HTR4: variants seen among roughly 807,000 people sequenced by gnomAD.
HTR4 encodes 5-hydroxytryptamine receptor 4, also known as 5-hydroxytryptamine (serotonin) receptor 4, G protein-coupled.
In HTR4, 16 loss-of-function variants were observed where a neutral mutation model predicts 36.8. The ratio of observed to expected loss-of-function variants is 0.43; its 90% CI spans 0.29 to 0.66. HTR4 has a LOEUF of 0.66. Ranked by LOEUF, HTR4 falls within the 30% of genes least tolerant of loss-of-function variation. The probability of loss-of-function intolerance (pLI) is 0.13; values close to 1 mark genes in which losing one functional copy is unlikely to be tolerated. For synonymous variants in HTR4, 189 were observed against 185.1 expected (o/e 1.02, Z -0.17); for missense variants, 438 against 490.9 (o/e 0.89, Z 1.02).
chr5:148,609,090 T>G (rs1390467905), intron 2 of HTR4, among the ~76,000 whole-genome samples: 2 of 152,204 alleles, frequency 1.3e-5, no homozygotes, highest in East Asian at 1.9e-4. Context: ...ATTACTTAAT[T>G]AATGATTTAT....
intron 2 of HTR4, among the ~76,000 whole-genome samples, chr5:148,584,358 G>C (rs1761265383): frequency 6.6e-6 from 1 of 152,050 alleles, no homozygotes; most frequent in South Asian, 2.1e-4. Context: ...CAGTCACCCA[G>C]TGCCACACAC....
downstream of HTR4, chr5:148,476,577 G>A (rs1755703262): frequency 6.9e-7 from 1 of 1,439,298 alleles, no homozygotes; most frequent in African/African-American, 1.4e-5. Context: ...AAGGGGCAAA[G>A]TGGGCTGGTA....
At chr5:148,549,491 T>G (rs981266029) in intron 3 of HTR4, among the ~76,000 whole-genome samples, 1 of 152,174 alleles carries the variant, frequency 6.6e-6, no homozygotes. Context: ...GGCTGTACAC[T>G]AGAATCACCT....
chr5:148,468,275 C>A (rs1755481994), intron 5 of HTR4, among the ~76,000 whole-genome samples: 2 of 152,282 alleles, frequency 1.3e-5, no homozygotes, highest in African/African-American at 4.8e-5. Context: ...ACATGGGATC[C>A]CAGAACATTG....
intron 6 of HTR4, among the ~76,000 whole-genome samples, chr5:148,505,734 C>T (rs1291159107): frequency 3.3e-5 from 5 of 152,122 alleles, no homozygotes; most frequent in Non-Finnish European, 5.9e-5. Context: ...CAATAACAGA[C>T]AAACAGAGGG....
intron 4 of HTR4, among the ~76,000 whole-genome samples, chr5:148,530,225 G>A (rs1406683673): frequency 6.6e-6 from 1 of 152,206 alleles, no homozygotes; most frequent in African/African-American, 2.4e-5. Flanking sequence ...GAAGCTGAAT[G>A]TTAATCCCCA....
chr5:148,490,784 G>A (rs988285312), intron 6 of HTR4: 1 of 1,018,334 alleles, frequency 9.8e-7, no homozygotes, highest in African/African-American at 1.7e-5. Context: ...TCAATCCTTT[G>A]TTTCTTACCT....
chr5:148,524,040 C>G (rs932306967), intron 4 of HTR4, among the ~76,000 whole-genome samples: 1 of 152,016 alleles, frequency 6.6e-6, no homozygotes, highest in African/African-American at 2.4e-5. Flanking sequence ...TCCATCCCCC[C>G]ATCCCTGCCA....
intron 4 of HTR4, among the ~76,000 whole-genome samples, chr5:148,542,677 A>G (rs1258616563): frequency 6.6e-6 from 1 of 152,210 alleles, no homozygotes; most frequent in East Asian, 1.9e-4. Context: ...ATGCTAAGTA[A>G]AGGACAAAGT....
chr5:148,506,360 T>G lies in HTR4; in HGVS notation c.1076+3096A>C, dbSNP rs146526804. Among the ~76,000 whole-genome samples, 271 of 152,212 alleles carry G rather than the reference T, an allele frequency of 1.8e-3. 9 individuals carry two copies. The East Asian group carries it at 0.036, about 20-fold the overall frequency. On this transcript the variant is annotated intron_variant, in intron 6 of 6. Coordinates refer to ENST00000377888, the MANE Select transcript of HTR4 (RefSeq NM_000870.7). ...AACTGGATCCCTTTCTTACACCTTA[T>G]AAAAAATTAATTCAAGATGGATTAA...
chr5:148,495,924 A>G (rs1051968097), intron 6 of HTR4, among the ~76,000 whole-genome samples: 6 of 152,116 alleles, frequency 3.9e-5, no homozygotes, highest in Non-Finnish European at 8.8e-5. Context: ...AACATGGGGA[A>G]ACCCTGTCTC....
chr5:148,654,157 G>T lies in HTR4; in HGVS notation c.-143C>A, dbSNP rs1309745478. 2.0e-6 allele frequency: 2 copies of T among 985,556 alleles called. No individual in the cohort carries two copies. The highest frequency in any genetic ancestry group is 2.4e-6 in the Non-Finnish European group (2 of 830,068). The allele number at this position is 985,556 out of a possible 1,614,324, so 61.1% of individuals were successfully genotyped here. ...CTTCTGCTGCCGCCGCTGCCGCTGCGCTCCCAGCCGCTGCCTGCGCCCTCC... is the reference window on the plus strand; with the variant it reads ...CTTCTGCTGCCGCCGCTGCCGCTGCTCTCCCAGCCGCTGCCTGCGCCCTCC... On this transcript the variant is annotated 5_prime_UTR_variant, in exon 1 of 7. Coordinates refer to ENST00000377888, the MANE Select transcript of HTR4 (RefSeq NM_000870.7).
intron 5 of HTR4, chr5:148,520,921 C>A (rs771947120): frequency 2.2e-6 from 3 of 1,367,812 alleles, no homozygotes; most frequent in Non-Finnish European, 2.9e-6. Context: ...TTCTGACATA[C>A]CGCATGAAAA....
At chr5:148,586,288 T>A (rs2127252907) in intron 2 of HTR4, among the ~76,000 whole-genome samples, 1 of 152,040 alleles carries the variant, frequency 6.6e-6, no homozygotes, top group Admixed American at 6.6e-5. Flanking sequence ...TGAGACAATC[T>A]TTGTCTGATA....
At chr5:148,552,660 T>A (rs1463394186) in intron 2 of HTR4, among the ~76,000 whole-genome samples, 3 of 152,202 alleles carry the variant, frequency 2.0e-5, no homozygotes, top group African/African-American at 7.2e-5. Flanking sequence ...CAACAAACAT[T>A]TTTCATTTTC....
chr5:148,635,915 G>C (rs969396274), intron 2 of HTR4, among the ~76,000 whole-genome samples: 5 of 152,288 alleles, frequency 3.3e-5, no homozygotes, highest in Middle Eastern at 3.4e-3. Flanking sequence ...TTTATTGAGA[G>C]TGTAAAATGT....
At chr5:148,575,643 C>T (rs1760866159) in intron 2 of HTR4, among the ~76,000 whole-genome samples, 1 of 151,806 alleles carries the variant, frequency 6.6e-6, no homozygotes, top group African/African-American at 2.4e-5. Flanking sequence ...TCTATAATTG[C>T]AAAACACTGG....
intron 2 of HTR4, among the ~76,000 whole-genome samples, chr5:148,574,620 C>G (rs1760815080): frequency 6.6e-6 from 1 of 152,036 alleles, no homozygotes; most frequent in Admixed American, 6.6e-5. Context: ...CTGTAGTACA[C>G]AGGAAAGCAC....
Position 148,525,276 on chromosome 5 carries a change from T to C in HTR4, c.354-1930A>G, listed in dbSNP as rs556427554. Among the ~76,000 whole-genome samples the C allele has an allele frequency of 7.9e-5, 12 of 152,288 alleles. 1 individual carries two copies. Among genetic ancestry groups the C allele is most frequent in the African/African-American group, 2.9e-4 (12 of 41,558 alleles). Reference sequence around the variant, plus strand: ...TGGTGATATTCATAATCATCAGAGGTTTATTATTAACATAGAATTAATGAT... The same window carrying C: ...TGGTGATATTCATAATCATCAGAGGCTTATTATTAACATAGAATTAATGAT... On this transcript the variant is annotated intron_variant, in intron 4 of 6. Coordinates refer to ENST00000377888, the MANE Select transcript of HTR4 (RefSeq NM_000870.7).
Sources: gnomAD v4.1 joint callset for allele counts (sites outside exome capture counted in the v4.1 genomes callset) on GRCh38, gnomAD v4.1.1 for gene constraint, MANE v1.5 for transcripts, NCBI Gene and HGNC (gene_info 2026-07-23, HGNC 2026-07-21) for gene names.